SDHAF4: variants seen among roughly 807,000 people sequenced by gnomAD.
SDHAF4 encodes succinate dehydrogenase complex assembly factor 4, also known as succinate dehydrogenase assembly factor 4, mitochondrial.
SDHAF4 carries 14 observed loss-of-function variants against 14.3 expected under a neutral mutation model. That is an observed-to-expected ratio of 0.98 (90% CI 0.65 to 1.53). The LOEUF (loss-of-function observed/expected upper bound fraction) is 1.53, where lower values mean the gene tolerates loss of function less well. Ranked by LOEUF, SDHAF4 falls within the 40% of genes most tolerant of loss-of-function variation. The probability of loss-of-function intolerance (pLI) is 0.00; values close to 1 mark genes in which losing one functional copy is unlikely to be tolerated. For missense variants in SDHAF4, 141 were observed against 129.3 expected, an observed-to-expected ratio of 1.09 and a Z score of -0.44; for synonymous variants, 63 against 47.3, an observed-to-expected ratio of 1.33 and a Z score of -1.36.
In SDHAF4 at chr6:70,566,981, C is replaced by G. The variant is rs759655171; in HGVS notation, c.41C>G (p.Ser14Trp). ...SRLPWLLSWVSATAWRAARSP... is the reference protein window; with the variant it reads ...SRLPWLLSWVWATAWRAARSP... The stretch of plus-strand genomic sequence containing the variant: ...CTTCCCTGGTTGCTTAGCTGGGTCT[C>G]GGCCACGGCGTGGAGAGCGGCAAGT... The change falls in exon 1 of 3, where the codon TCG (serine) becomes TGG (tryptophan). Residue 14 changes from serine to tryptophan, a missense_variant. Ser to Trp is a radical substitution (Grantham distance 177, BLOSUM62 -3). Coordinates refer to ENST00000370474, the MANE Select transcript of SDHAF4 (RefSeq NM_145267.3). 26 of 1,591,502 alleles carry G rather than the reference C, an allele frequency of 1.6e-5. No individual in the cohort carries two copies. The highest frequency in any genetic ancestry group is 8.6e-7 in the Non-Finnish European group (1 of 1,169,298).
the SDHAF4 span, among the ~76,000 whole-genome samples, chr6:70,596,235 C>A: frequency 2.0e-5 from 3 of 152,190 alleles, no homozygotes; most frequent in African/African-American, 7.2e-5. Flanking sequence ...GCTGCTACCC[C>A]ATGGGATCTA....
chr6:70,596,675 G>A, the SDHAF4 span: 1 of 152,092 alleles, frequency 6.6e-6, no homozygotes, highest in African/African-American at 2.4e-5. Flanking sequence ...TTTGTATGTT[G>A]ATCTTTTATG....
At position 70,579,041 on chromosome 6, in the gene SDHAF4, C is replaced by T. The variant is rs901451359; in HGVS notation, c.65-373C>T. ...ACCTTGATTAGGATTTAAATGTAGC[C>T]ACTTCTGACTTTTAGAGATTTGAAT... On this transcript the variant is annotated intron_variant, in intron 1 of 2. Coordinates refer to ENST00000370474, the MANE Select transcript of SDHAF4 (RefSeq NM_145267.3). Among the ~76,000 whole-genome samples the T allele has an allele frequency of 6.1e-4, 93 of 152,146 alleles. 1 individual carries two copies. Among genetic ancestry groups the T allele is most frequent in the Non-Finnish European group, 1.8e-4 (12 of 68,030 alleles).
chr6:70,577,196 A>G (rs1802266926), intron 1 of SDHAF4, among the ~76,000 whole-genome samples: 1 of 152,102 alleles, frequency 6.6e-6, no homozygotes, highest in Non-Finnish European at 1.5e-5. Context: ...TAACCTCCCT[A>G]TTTTAAGGTC....
At chr6:70,569,398 A>G (rs542860649) in intron 1 of SDHAF4, among the ~76,000 whole-genome samples, 136 of 152,118 alleles carry the variant, frequency 8.9e-4, no homozygotes, top group Non-Finnish European at 1.7e-3. Flanking sequence ...CCTCCCAAGT[A>G]GCTGGTATTA....
downstream of SDHAF4, among the ~76,000 whole-genome samples, chr6:70,590,715 A>G (rs1238168972): frequency 1.3e-5 from 2 of 152,176 alleles, no homozygotes; most frequent in East Asian, 3.8e-4. Context: ...TTCCTGTCTC[A>G]CTTTCACTTC....
intron 1 of SDHAF4, 149 bp downstream of exon 1, chr6:70,567,153 C>T: frequency 1.3e-6 from 1 of 790,522 alleles, no homozygotes; most frequent in Non-Finnish European, 2.0e-6. Context: ...AGCCGCCCAC[C>T]CGGTGGCCTG....
chr6:70,591,326 G>A (rs1765255868), downstream of SDHAF4, among the ~76,000 whole-genome samples: 1 of 146,826 alleles, frequency 6.8e-6, no homozygotes, highest in Non-Finnish European at 1.5e-5. Flanking sequence ...GGCGTTGTGA[G>A]AGGAAAGATT....
chr6:70,572,747 A>G (rs1562055322), intron 1 of SDHAF4, among the ~76,000 whole-genome samples: 1 of 151,952 alleles, frequency 6.6e-6, no homozygotes, highest in Non-Finnish European at 1.5e-5. Flanking sequence ...TTGCAGACTA[A>G]TAGTCTCTTT....
Position 70,578,123 on chromosome 6 carries a change from G to C in SDHAF4, c.65-1291G>C, listed in dbSNP as rs528982752. On this transcript the variant is annotated intron_variant, in intron 1 of 2. Coordinates refer to ENST00000370474, the MANE Select transcript of SDHAF4 (RefSeq NM_145267.3). The stretch of plus-strand genomic sequence containing the variant: ...GATTGCTGGGTCAAATGATAGTTCT[G>C]TTTTAAGTACTTTGAGAAATCTCCA... Among the ~76,000 whole-genome samples, 135 of 152,298 alleles carry C rather than the reference G, an allele frequency of 8.9e-4. 1 individual carries two copies. Among genetic ancestry groups the C allele is most frequent in the African/African-American group, 3.2e-3 (131 of 41,566 alleles).
At chr6:70,576,517 A>G (rs1208452193) in intron 1 of SDHAF4, among the ~76,000 whole-genome samples, 1 of 152,240 alleles carries the variant, frequency 6.6e-6, no homozygotes, top group Non-Finnish European at 1.5e-5. Flanking sequence ...GTTAGGCTCA[A>G]GTTATTGATG....
intron 1 of SDHAF4, among the ~76,000 whole-genome samples, chr6:70,573,661 T>G (rs925587356): frequency 1.3e-5 from 2 of 151,608 alleles, no homozygotes; most frequent in Non-Finnish European, 2.9e-5. Context: ...TTCTTTTCTT[T>G]TCTTTTCTTT....
chr6:70,572,852 T>C (rs1490249110), intron 1 of SDHAF4, among the ~76,000 whole-genome samples: 1 of 152,178 alleles, frequency 6.6e-6, no homozygotes, highest in Admixed American at 6.5e-5. Flanking sequence ...GTGTTTTGGG[T>C]GGGATTTTGA....
At chr6:70,567,139 G>GC in intron 1 of SDHAF4, 135 bp downstream of exon 1, 1 of 839,464 alleles carries the variant, frequency 1.2e-6, no homozygotes, top group Non-Finnish European at 1.8e-6. Context: ...AGCTTCTCCC[G>GC]CCCAGCCGCC....
At chr6:70,579,923 A>G (rs1802299780) in intron 2 of SDHAF4, among the ~76,000 whole-genome samples, 1 of 152,172 alleles carries the variant, frequency 6.6e-6, no homozygotes, top group East Asian at 1.9e-4. Flanking sequence ...AATGAGGTAT[A>G]ATAAATATAA....
chr6:70,572,079 T>C (rs1159308666), intron 1 of SDHAF4, among the ~76,000 whole-genome samples: 16 of 138,740 alleles, frequency 1.2e-4, no homozygotes, highest in African/African-American at 3.7e-4. Flanking sequence ...TTTTTTTTTT[T>C]TTTTTTTGAG....
chr6:70,573,641 A>ATTT (rs1025656263), intron 1 of SDHAF4, among the ~76,000 whole-genome samples: 1 of 139,606 alleles, frequency 7.2e-6, no homozygotes, highest in African/African-American at 2.6e-5. Context: ...TTTTGGCCTA[A>ATTT]TTTTTCTTTT....
intron 2 of SDHAF4, among the ~76,000 whole-genome samples, chr6:70,580,945 T>A (rs538807163): frequency 1.3e-5 from 2 of 152,136 alleles, no homozygotes; most frequent in South Asian, 2.1e-4. Context: ...GTTGTTTTTG[T>A]TTTTGAAATG....
chr6:70,585,039 G>A (rs1041218993), intron 2 of SDHAF4, among the ~76,000 whole-genome samples: 7 of 152,156 alleles, frequency 4.6e-5, no homozygotes, highest in South Asian at 2.1e-4. Flanking sequence ...AGAATGAGAG[G>A]CTGGAAATAG....
Sources: allele counts gnomAD v4.1 joint callset (sites outside exome capture counted in the v4.1 genomes callset), GRCh38; gene constraint gnomAD v4.1.1; transcripts MANE v1.5; gene names NCBI Gene and HGNC (gene_info 2026-07-23, HGNC 2026-07-21).